Variants in KDM4C observed in about 807,000 individuals in gnomAD.
KDM4C encodes the protein lysine-specific demethylase 4C.
In KDM4C, 81 loss-of-function variants were observed where a neutral mutation model predicts 129.3. That is an observed-to-expected ratio of 0.63 (90% CI 0.52 to 0.75). The LOEUF is 0.75. Ranked by LOEUF, KDM4C falls within the 30% of genes least tolerant of loss-of-function variation. KDM4C has a pLI of 0.00. For synonymous variants in KDM4C, 573 were observed against 456.1 expected (o/e 1.26, Z -3.26); for missense variants, 1,457 against 1,304.0 (o/e 1.12, Z -1.81).
chr9:6,899,754 A>G (rs938726335), intron 8 of KDM4C, among the ~76,000 whole-genome samples: 9 of 152,226 alleles, frequency 5.9e-5, no homozygotes, highest in Non-Finnish European at 1.2e-4. Flanking sequence ...GTATGATGGT[A>G]TCAAACCAGT....
rs113564814 is a variant in KDM4C at position 7,164,350 on chromosome 9, T to TAAAAA, written c.2782-885_2782-881dup. Reference sequence around the variant, plus strand: ...ACTTCCCTGTCCCCCTGCCACGCCTTAAAAAAACAAAAAGCACCTTTCAGG... The same window carrying TAAAAA: ...ACTTCCCTGTCCCCCTGCCACGCCTTAAAAAAAAAAAACAAAAAGCACCTTTCAGG... On this transcript the variant is annotated intron_variant, in intron 19 of 21. Transcript: ENST00000381309. 7.5e-4 allele frequency among the ~76,000 whole-genome samples: 111 copies of TAAAAA among 148,390 alleles called. No homozygotes were observed. In the Middle Eastern group the frequency reaches 0.01, roughly 14 times the overall value.
chr9:7,062,768 A>T lies in KDM4C; in HGVS notation c.2424+13568A>T, dbSNP rs114348866. On this transcript the variant is annotated intron_variant, in intron 17 of 21. Coordinates refer to ENST00000381309, the MANE Select transcript of KDM4C (RefSeq NM_015061.6). ...GAATCTGTGGAAGGGGTGAAATTAG[A>T]TTTGTGTGTTTAGTTTTGCCTTTTA... is the stretch of plus-strand genomic sequence containing the variant. Among the ~76,000 whole-genome samples the T allele has an allele frequency of 7.2e-3, 1,100 of 151,844 alleles. 10 individuals are homozygous for T. The highest frequency in any genetic ancestry group is 0.025 in the African/African-American group (1,052 of 41,376).
At chr9:6,779,251 C>T (rs1346770382) in intron 1 of KDM4C, among the ~76,000 whole-genome samples, 2 of 150,234 alleles carry the variant, frequency 1.3e-5, no homozygotes, top group Non-Finnish European at 3.0e-5. Flanking sequence ...CTCTTGACCT[C>T]GTGATCTGCC....
intron 1 of KDM4C, among the ~76,000 whole-genome samples, chr9:6,732,776 G>C (rs1391864455): frequency 1.3e-5 from 2 of 151,914 alleles, no homozygotes; most frequent in African/African-American, 4.8e-5. Flanking sequence ...ACTTTGGGAG[G>C]CCGAGATGGG....
intron 21 of KDM4C, among the ~76,000 whole-genome samples, chr9:7,171,179 C>T (rs984600656): frequency 3.9e-5 from 6 of 152,188 alleles, no homozygotes; most frequent in East Asian, 1.9e-4. Context: ...AAAGTGAAAT[C>T]GTCAAGAGGA....
At chr9:6,930,559 TTATA>T (rs1217944418) in intron 8 of KDM4C, among the ~76,000 whole-genome samples, 2 of 148,710 alleles carry the variant, frequency 1.3e-5, no homozygotes, top group African/African-American at 4.9e-5. Context: ...CAACAGTATG[TTATA>T]TATGTTATCT....
chr9:6,793,159 A>G, intron 2 of KDM4C, 27 bp downstream of exon 2: 2 of 1,599,688 alleles, frequency 1.3e-6, no homozygotes, highest in Non-Finnish European at 8.5e-7. Flanking sequence ...GCTTTAAATG[A>G]AAAACAATCA....
chr9:6,841,565 A>C (rs967488680), intron 4 of KDM4C, among the ~76,000 whole-genome samples: 2 of 152,184 alleles, frequency 1.3e-5, no homozygotes, highest in African/African-American at 4.8e-5. Flanking sequence ...CTCTGCTTTT[A>C]TGTACAACAA....
chr9:7,158,536 T>C (rs990414430), intron 19 of KDM4C, among the ~76,000 whole-genome samples: 1 of 152,170 alleles, frequency 6.6e-6, no homozygotes, highest in African/African-American at 2.4e-5. Flanking sequence ...GATTCTGGTA[T>C]GTTGTCTTTG....
At chr9:6,818,566 G>A (rs939617467) in intron 4 of KDM4C, among the ~76,000 whole-genome samples, 2 of 152,188 alleles carry the variant, frequency 1.3e-5, no homozygotes, top group Non-Finnish European at 2.9e-5. Flanking sequence ...GGTGAGGGAT[G>A]TGGGCAGATG....
intron 5 of KDM4C, among the ~76,000 whole-genome samples, chr9:6,878,254 A>T (rs956045853): frequency 2.0e-5 from 3 of 152,210 alleles, no homozygotes; most frequent in Admixed American, 2.0e-4. Flanking sequence ...TTCTGAAGCT[A>T]TTAAACTATA....
chr9:7,149,932 T>G (rs1842575476), intron 19 of KDM4C, among the ~76,000 whole-genome samples: 1 of 152,204 alleles, frequency 6.6e-6, no homozygotes, highest in Non-Finnish European at 1.5e-5. Context: ...TTTTTATATT[T>G]GGAGCTTTCA....
At chr9:6,932,082 T>TG (rs1823851793) in intron 8 of KDM4C, among the ~76,000 whole-genome samples, 1 of 152,160 alleles carries the variant, frequency 6.6e-6, no homozygotes, top group South Asian at 2.1e-4. Context: ...AGAGTACAAA[T>TG]GCTATGAGAG....
intron 15 of KDM4C, among the ~76,000 whole-genome samples, chr9:7,019,684 T>C (rs1334903814): frequency 1.6e-5 from 1 of 63,360 alleles, no homozygotes; most frequent in African/African-American, 5.2e-5. Flanking sequence ...AGAGAGACTA[T>C]ATTATAAAAA....
Position 7,016,010 on chromosome 9 carries a change from A to G in KDM4C, c.2259+81A>G, listed in dbSNP as rs543497488. On this transcript the variant is annotated intron_variant, in intron 15 of 21. Coordinates refer to ENST00000381309, the MANE Select transcript of KDM4C (RefSeq NM_015061.6). ...ACACATTTAAGTCTAGGGAAAAGAT[A>G]AGATTGCTCAGGTGCTTATATGTGC... is the stretch of plus-strand genomic sequence containing the variant. 3.4e-4 allele frequency: 328 copies of G among 973,362 alleles called. 4 individuals carry two copies. In the South Asian group the frequency reaches 4.0e-3, roughly 12 times the overall value. The allele number at this position is 973,362 out of a possible 1,614,324, so 60.3% of individuals were successfully genotyped here. A position where few individuals can be genotyped will look rare whatever the true frequency, so the allele number is the denominator to read the frequency against.
chr9:6,981,136 C>A lies in KDM4C; in HGVS notation c.1115+18C>A. 1 of 1,585,544 alleles carries A rather than the reference C, an allele frequency of 6.3e-7. No individual in the cohort carries two copies. Among genetic ancestry groups the A allele is most frequent in the Non-Finnish European group, 8.6e-7 (1 of 1,167,376 alleles). Reference sequence around the variant, plus strand: ...TCCCGAAGGTAATGACCCCTCACCCCACTGACCTGCCTTGCCTGTCGTGTT... The same window carrying A: ...TCCCGAAGGTAATGACCCCTCACCCAACTGACCTGCCTTGCCTGTCGTGTT... On this transcript the variant is annotated intron_variant, in intron 9 of 21. Coordinates refer to ENST00000381309, the MANE Select transcript of KDM4C (RefSeq NM_015061.6).
intron 8 of KDM4C, among the ~76,000 whole-genome samples, chr9:6,895,230 G>A (rs1349965409): frequency 1.3e-5 from 2 of 152,216 alleles, no homozygotes; most frequent in Non-Finnish European, 2.9e-5. Context: ...TAGGTAATAG[G>A]CCTAGCATTG....
At chr9:7,101,214 C>A (rs914902666) in intron 17 of KDM4C, among the ~76,000 whole-genome samples, 1 of 152,166 alleles carries the variant, frequency 6.6e-6, no homozygotes, top group Non-Finnish European at 1.5e-5. Context: ...TCGTTCACTT[C>A]TTTCATAGCA....
intron 15 of KDM4C, among the ~76,000 whole-genome samples, chr9:7,022,706 A>G (rs1383907754): frequency 6.7e-6 from 1 of 150,254 alleles, no homozygotes; most frequent in Admixed American, 6.7e-5. Context: ...AGTGTTGAAA[A>G]TAGGAATCCT....
Sources: gnomAD v4.1 joint callset for allele counts (sites outside exome capture counted in the v4.1 genomes callset) on GRCh38, gnomAD v4.1.1 for gene constraint, MANE v1.5 for transcripts, NCBI Gene and HGNC (gene_info 2026-07-23, HGNC 2026-07-21) for gene names.